Variants in MTMR7 observed in about 807,000 individuals in gnomAD.
The protein encoded by MTMR7 is myotubularin related protein 7.
In MTMR7, 76 loss-of-function variants were observed where a neutral mutation model predicts 81.2. The observed-to-expected ratio is 0.94, with a 90% CI of 0.78 to 1.13. The LOEUF is 1.13. Ranked by LOEUF, MTMR7 falls within the 50% of genes most tolerant of loss-of-function variation. MTMR7 has a pLI of 0.00. For synonymous variants in MTMR7, 372 were observed against 289.8 expected, an observed-to-expected ratio of 1.28 and a Z score of -2.88; for missense variants, 1,044 against 820.0, an observed-to-expected ratio of 1.27 and a Z score of -3.34.
Position 17,371,056 on chromosome 8 carries a change from C to G in MTMR7, c.291G>C (p.Leu97=), listed in dbSNP as rs1432542847. The part of the protein sequence containing the change: ...ERDCHDVYIS[L]IRLARPVKYE... ...CCCTACCTGGCCTTGCAAGGCGTAT[C>G]AGGGAGATGTACACGTCGTGGCAAT... The change falls in exon 3 of 14, where the codon CTG becomes CTC. Residue 97 remains leucine (L), a synonymous_variant. Coordinates refer to ENST00000180173, the MANE Select transcript of MTMR7 (RefSeq NM_004686.5). 1.2e-6 allele frequency: 2 copies of G among 1,613,684 alleles called. No homozygotes were observed. The highest frequency in any genetic ancestry group is 8.5e-7 in the Non-Finnish European group (1 of 1,179,848).
chr8:17,311,288 T>G (rs1035584180), intron 9 of MTMR7, among the ~76,000 whole-genome samples: 3 of 152,224 alleles, frequency 2.0e-5, no homozygotes, highest in African/African-American at 4.8e-5. Flanking sequence ...TAGCATTGAC[T>G]TGAAATGGTT....
intron 11 of MTMR7, among the ~76,000 whole-genome samples, chr8:17,305,484 C>G (rs1321215385): frequency 2.0e-5 from 3 of 152,068 alleles, no homozygotes; most frequent in Non-Finnish European, 1.5e-5. Context: ...TTTTTTGACT[C>G]CAGAAAATTC....
At position 17,305,807 on chromosome 8, in the gene MTMR7, G is replaced by T; in HGVS notation, c.1302C>A (p.Cys434Ter). 2 of 1,613,506 alleles carry T rather than the reference G, an allele frequency of 1.2e-6. No homozygotes were observed. Among genetic ancestry groups the T allele is most frequent in the South Asian group, 1.1e-5 (1 of 91,038 alleles). ...TGTTACATAGGAAGTTTCCAAACTG[G>T]CAGGAATAAATGTGATGTTGAATGT... ...LIHIQHHIYS[C>*]QFGNFLCNSQ... is the part of the protein sequence containing the mutation. The change falls in exon 11 of 14, where the codon TGC (cysteine) becomes TGA (stop). Residue 434 changes from cysteine to a stop codon, truncating the protein, a stop_gained. Transcript: ENST00000180173. LOFTEE classifies it high-confidence loss of function.
intron 3 of MTMR7, among the ~76,000 whole-genome samples, chr8:17,366,905 C>A (rs1019190527): frequency 3.2e-4 from 36 of 113,652 alleles, no homozygotes; most frequent in Middle Eastern, 4.0e-3. Flanking sequence ...AAAACTGTAG[C>A]TGAAAAACCA....
At chr8:17,352,372 G>A (rs1819753415) in intron 4 of MTMR7, among the ~76,000 whole-genome samples, 2 of 151,994 alleles carry the variant, frequency 1.3e-5, no homozygotes, top group South Asian at 2.1e-4. Flanking sequence ...GATGGTACTG[G>A]GAAAACTAGA....
At chr8:17,375,044 G>GCAC (rs111788362) in intron 1 of MTMR7, among the ~76,000 whole-genome samples, 6,918 of 152,114 alleles carry the variant, frequency 0.045, 711 homozygotes, top group East Asian at 0.39. Flanking sequence ...AGCCGAGATC[G>GCAC]CACCACTGCA....
Position 17,367,842 on chromosome 8 carries a change from G to A in MTMR7, c.310+3195C>T, listed in dbSNP as rs115004331. ...TTTTCTCTTCCCTTCCCCACCCTTC[G>A]CATTCTGCTGATGCTAAGGTTTGGG... On this transcript the variant is annotated intron_variant, in intron 3 of 13. Coordinates refer to ENST00000180173, the MANE Select transcript of MTMR7 (RefSeq NM_004686.5). 8.4e-3 allele frequency among the ~76,000 whole-genome samples: 1,246 copies of A among 147,902 alleles called. 17 individuals are homozygous for A. The highest frequency in any genetic ancestry group is 0.029 in the African/African-American group (1,176 of 40,168).
At chr8:17,352,186 T>C (rs1426113834) in intron 4 of MTMR7, among the ~76,000 whole-genome samples, 2 of 152,204 alleles carry the variant, frequency 1.3e-5, no homozygotes, top group Non-Finnish European at 2.9e-5. Flanking sequence ...AATTTCAAAA[T>C]ATAGTACAAA....
chr8:17,367,312 G>T (rs77628688), intron 3 of MTMR7, among the ~76,000 whole-genome samples: 2 of 152,058 alleles, frequency 1.3e-5, no homozygotes, highest in Non-Finnish European at 2.9e-5. Context: ...CAAACACTAA[G>T]GAGGGGAAGA....
Position 17,405,867 on chromosome 8 carries a change from C to A in MTMR7, c.24+7402G>T, listed in dbSNP as rs866493957. Among the ~76,000 whole-genome samples the A allele has an allele frequency of 7.0e-3, 657 of 93,272 alleles. 8 individuals are homozygous for A. The highest frequency in any genetic ancestry group is 0.036 in the East Asian group (91 of 2,560). 61.2% of individuals were successfully genotyped at this position (93,272 alleles called of 152,430 possible). Reference sequence around the variant, plus strand: ...ACACACACACACACACACACACACACACACACACACACCACAGAGAAAATG... The same window carrying A: ...ACACACACACACACACACACACACAAACACACACACACCACAGAGAAAATG... On this transcript the variant is annotated intron_variant, in intron 1 of 13. Coordinates refer to ENST00000180173, the MANE Select transcript of MTMR7 (RefSeq NM_004686.5).
At chr8:17,309,400 G>A in intron 9 of MTMR7, 74 bp from the exon 10 acceptor site, 1 of 977,364 alleles carries the variant, frequency 1.0e-6, no homozygotes, top group Non-Finnish European at 1.6e-6. Flanking sequence ...CAATAATGTT[G>A]AGGAATTCAG....
At chr8:17,376,886 C>T (rs10435702) in intron 1 of MTMR7, among the ~76,000 whole-genome samples, 21,974 of 151,882 alleles carry the variant, frequency 0.14, 1,910 homozygotes, top group East Asian at 0.39. Context: ...TTAACTCTAG[C>T]CCTAAATTAT....
At chr8:17,375,225 C>G (rs938735166) in intron 1 of MTMR7, among the ~76,000 whole-genome samples, 4 of 152,098 alleles carry the variant, frequency 2.6e-5, no homozygotes, top group Admixed American at 6.6e-5. Flanking sequence ...AAACAGGACC[C>G]AAGACCTCCC....
Position 17,341,490 on chromosome 8 carries a change from A to G in MTMR7, c.605T>C (p.Ile202Thr). The change falls in exon 6 of 14, where the codon ATC becomes ACC. Residue 202 changes from isoleucine to threonine, a missense_variant. Physicochemically the swap from Ile to Thr is moderately conservative, Grantham distance 89 (BLOSUM62 -1). Transcript: ENST00000180173. ...GGACAGGGGCTGGCTGCTCCGGCAG[A>G]TGGAGGCCTAGGGGGAGAGGTCACA... is the stretch of plus-strand genomic sequence containing the variant. ...SYYYKDNHAS[I>T]CRSSQPLSGF... 1 of 1,613,734 alleles carries G rather than the reference A, an allele frequency of 6.2e-7. No individual in the cohort carries two copies.
intron 11 of MTMR7, 24 bp from the exon 12 acceptor site, chr8:17,304,543 T>C (rs1817326798): frequency 1.2e-6 from 2 of 1,605,510 alleles, no homozygotes; most frequent in African/African-American, 2.7e-5. Context: ...AATAAGTCTA[T>C]AAATGACCTA....
chr8:17,380,810 G>T (rs1437962688), intron 1 of MTMR7, among the ~76,000 whole-genome samples: 72 of 152,238 alleles, frequency 4.7e-4, no homozygotes, highest in Non-Finnish European at 1.5e-5. Flanking sequence ...ATTATTGTAA[G>T]AAATCTTATA....
At chr8:17,318,694 C>CT (rs1818227264) in intron 7 of MTMR7, among the ~76,000 whole-genome samples, 1 of 152,152 alleles carries the variant, frequency 6.6e-6, no homozygotes, top group Non-Finnish European at 1.5e-5. Context: ...AGGTATTGTG[C>CT]ATGTTTGGAA....
At position 17,297,891 on chromosome 8, in the gene MTMR7, C is replaced by T. The variant is rs980741480; in HGVS notation, c.*1971G>A. ...ATGTTACATAAATTATAATGTCTGT[C>T]TTGTAAAAAAGTTGAGGGGACTAAA... On this transcript the variant is annotated 3_prime_UTR_variant, in exon 14 of 14. Coordinates refer to ENST00000180173, the MANE Select transcript of MTMR7 (RefSeq NM_004686.5). 6.6e-6 allele frequency: 1 copy of T among 151,892 alleles called. No homozygotes were observed. The highest frequency in any genetic ancestry group is 2.4e-5 in the African/African-American group (1 of 41,402). 9.4% of individuals were successfully genotyped at this position (151,892 alleles called of 1,614,324 possible). A position where few individuals can be genotyped will look rare whatever the true frequency, so the allele number is the denominator to read the frequency against.
Position 17,299,495 on chromosome 8 carries a change from A to G in MTMR7, c.*367T>C, listed in dbSNP as rs143771491. On this transcript the variant is annotated 3_prime_UTR_variant, in exon 14 of 14. Coordinates refer to ENST00000180173, the MANE Select transcript of MTMR7 (RefSeq NM_004686.5). ...CTAGAAGTGAACTAAAAGAATCATG[A>G]TGATCACAGATGTGAGGGAAAGGAG... 1.4e-3 allele frequency: 263 copies of G among 184,882 alleles called. 2 individuals carry two copies. Among genetic ancestry groups the G allele is most frequent in the Middle Eastern group, 2.6e-3 (1 of 390 alleles). 11.5% of individuals were successfully genotyped at this position (184,882 alleles called of 1,614,324 possible).
Sources: allele counts gnomAD v4.1 joint callset (sites outside exome capture counted in the v4.1 genomes callset), GRCh38; gene constraint gnomAD v4.1.1; transcripts MANE v1.5; gene names NCBI Gene and HGNC (gene_info 2026-07-23, HGNC 2026-07-21).